The following TMEM120B variants were observed in gnomAD, a reference collection of about 807,000 sequenced individuals.
TMEM120B encodes the protein transmembrane protein 120B.
TMEM120B carries 31 observed loss-of-function variants against 55.5 expected under a neutral mutation model. That is an observed-to-expected ratio of 0.56 (90% confidence interval 0.42 to 0.75). The LOEUF is 0.75. TMEM120B is among the 30% of genes least tolerant of loss of function. The pLI is 0.00. For synonymous variants in TMEM120B, 203 were observed against 176.3 expected (o/e 1.15, Z -1.20); for missense variants, 399 against 425.5 (o/e 0.94, Z 0.55).
intron 1 of TMEM120B, among the ~76,000 whole-genome samples, chr12:121,713,766 G>A (rs1894644701): frequency 6.6e-6 from 1 of 152,126 alleles, no homozygotes; most frequent in Admixed American, 6.5e-5. Flanking sequence ...GACTAGAGAC[G>A]CCTCAGGAAA....
In TMEM120B at chr12:121,780,689, T is replaced by C. The variant is rs1874418052; in HGVS notation, c.*4967T>C. On this transcript the variant is annotated 3_prime_UTR_variant, in exon 12 of 12. Coordinates refer to ENST00000449592, the MANE Select transcript of TMEM120B (RefSeq NM_001080825.2). Reference sequence around the variant, plus strand: ...GCGCCTGCCTCCGAGTCCTAAGGATTGGGAGTAGTCGTGTAAAGTGCTCAG... The same window carrying C: ...GCGCCTGCCTCCGAGTCCTAAGGATCGGGAGTAGTCGTGTAAAGTGCTCAG... The C allele has an allele frequency of 1.5e-6, 1 of 668,144 alleles. No individual in the cohort carries two copies. Among genetic ancestry groups the C allele is most frequent in the Admixed American group, 3.2e-5 (1 of 31,598 alleles). The allele number at this position is 668,144 out of a possible 1,614,324, so 41.4% of individuals were successfully genotyped here. A position where few individuals can be genotyped will look rare whatever the true frequency, so the allele number is the denominator to read the frequency against.
chr12:121,725,539 T>C (rs1237715263), intron 1 of TMEM120B, among the ~76,000 whole-genome samples: 1 of 152,112 alleles, frequency 6.6e-6, no homozygotes. Flanking sequence ...CGGATCTTCA[T>C]AGCAGCATTA....
chr12:121,717,059 G>T (rs373556999), intron 1 of TMEM120B, among the ~76,000 whole-genome samples: 4 of 152,186 alleles, frequency 2.6e-5, no homozygotes, highest in East Asian at 3.9e-4. Context: ...GGGCACAGTT[G>T]AGTCTCCATG....
In TMEM120B at chr12:121,744,776, C is replaced by T. The variant is rs529351708; in HGVS notation, c.188+1029C>T. On this transcript the variant is annotated intron_variant, in intron 2 of 11. Coordinates refer to ENST00000449592, the MANE Select transcript of TMEM120B (RefSeq NM_001080825.2). ...CATTTTAGAATCTGGGACTCCTGGT[C>T]AACTCTTTCCTTGTGGACAATTTTG... Among the ~76,000 whole-genome samples the T allele has an allele frequency of 3.3e-5, 5 of 152,272 alleles. No homozygotes were observed. The South Asian group carries it at 1.0e-3, about 32-fold the overall frequency.
rs1435319537 is a variant in TMEM120B, at chr12:121,775,217, C to T, written c.906+87C>T. The T allele has an allele frequency of 6.4e-5, 62 of 967,992 alleles. 1 individual carries two copies. The highest frequency in any genetic ancestry group is 9.2e-5 in the African/African-American group (4 of 43,292). 60.0% of individuals were successfully genotyped at this position (967,992 alleles called of 1,614,324 possible). On this transcript the variant is annotated intron_variant, in intron 11 of 11. Transcript: ENST00000449592. The surrounding 1 kb of genome is among the most constrained non-coding windows in gnomAD (Gnocchi z 4.3). ...GGTGTATGTGTGGCATGCTGGGGTGCGGATTCCTGGGGAGGGCTGGGATGG... is the reference window on the plus strand; with the variant it reads ...GGTGTATGTGTGGCATGCTGGGGTGTGGATTCCTGGGGAGGGCTGGGATGG...
chr12:121,744,861 A>G (rs1873035508), intron 2 of TMEM120B, among the ~76,000 whole-genome samples: 1 of 152,206 alleles, frequency 6.6e-6, no homozygotes, highest in Non-Finnish European at 1.5e-5. Flanking sequence ...GGAGGCCCGC[A>G]ACTAAGGGGT....
rs1433867733 is a variant in TMEM120B at position 121,778,558 on chromosome 12, AGTTCTGAGAAACT to A, written c.*2839_*2851del. On this transcript the variant is annotated 3_prime_UTR_variant, in exon 12 of 12. Transcript: ENST00000449592. ...TGGTGACACAGGTGGTCTATGAACCAGTTCTGAGAAACTGTCCCGCGTGGACAGGGGGTAGATC... is the reference window on the plus strand; with the variant it reads ...TGGTGACACAGGTGGTCTATGAACCAGTCCCGCGTGGACAGGGGGTAGATC... 6.6e-6 allele frequency: 1 copy of A among 152,048 alleles called. No homozygotes were observed. Among genetic ancestry groups the A allele is most frequent in the Non-Finnish European group, 1.5e-5 (1 of 68,064 alleles). The allele number at this position is 152,048 out of a possible 1,614,324, so 9.4% of individuals were successfully genotyped here.
chr12:121,770,517 C>T (rs1452537910), intron 6 of TMEM120B, among the ~76,000 whole-genome samples: 1 of 152,096 alleles, frequency 6.6e-6, no homozygotes, highest in Non-Finnish European at 1.5e-5. Context: ...GGAGAGCCCA[C>T]ATTCCTGGAG....
chr12:121,723,867 A>T (rs1024618006), intron 1 of TMEM120B, among the ~76,000 whole-genome samples: 5 of 152,048 alleles, frequency 3.3e-5, no homozygotes, highest in Middle Eastern at 6.8e-3. Context: ...CGGGGGTGTG[A>T]TCATGACCAC....
chr12:121,713,070 G>A, intron 1 of TMEM120B, 106 bp downstream of exon 1: 1 of 934,802 alleles, frequency 1.1e-6, no homozygotes, highest in African/African-American at 1.8e-5. Flanking sequence ...GGCCTAGGGA[G>A]TGCCCCGGAG....
chr12:121,770,764 G>A (rs143776029), intron 6 of TMEM120B, 143 bp from the exon 7 acceptor site: 457 of 737,244 alleles, frequency 6.2e-4, no homozygotes, highest in Middle Eastern at 4.8e-3. Flanking sequence ...GGAGGGCACG[G>A]TCAGGGTTCC....
At chr12:121,738,132 G>A (rs1363521175) in intron 1 of TMEM120B, among the ~76,000 whole-genome samples, 1 of 151,830 alleles carries the variant, frequency 6.6e-6, no homozygotes, top group East Asian at 1.9e-4. Context: ...GGTGGCGCAT[G>A]CCTGTAATCC....
At chr12:121,771,714 G>A (rs1874059497) in intron 8 of TMEM120B, among the ~76,000 whole-genome samples, 165 bp downstream of exon 8, 1 of 152,064 alleles carries the variant, frequency 6.6e-6, no homozygotes, top group African/African-American at 2.4e-5. Flanking sequence ...CCCGCCCCAG[G>A]TCAGCTCCAC....
intron 6 of TMEM120B, among the ~76,000 whole-genome samples, chr12:121,764,603 C>T (rs965782902): frequency 6.6e-6 from 1 of 151,526 alleles, no homozygotes; most frequent in Non-Finnish European, 1.5e-5. Flanking sequence ...TGTATGAGCC[C>T]AGGAGGTTGA....
At chr12:121,753,708 A>T (rs1403098898) in intron 5 of TMEM120B, among the ~76,000 whole-genome samples, 2 of 126,030 alleles carry the variant, frequency 1.6e-5, no homozygotes, top group African/African-American at 7.7e-5. Context: ...ATTATATTTA[A>T]AAAAAAAAAG....
chr12:121,775,157 G>C lies in TMEM120B; in HGVS notation c.906+27G>C. On this transcript the variant is annotated intron_variant, in intron 11 of 11. Coordinates refer to ENST00000449592, the MANE Select transcript of TMEM120B (RefSeq NM_001080825.2). The surrounding 1 kb of genome is among the most constrained non-coding windows in gnomAD (Gnocchi z 4.3). ...TATGGGGGGTGGGGGCATGCTCGGG[G>C]GAGGTTCCCGGGAGGGCTGGGGTGG... 6.6e-7 allele frequency: 1 copy of C among 1,512,260 alleles called. No homozygotes were observed. The highest frequency in any genetic ancestry group is 9.1e-7 in the Non-Finnish European group (1 of 1,094,088). 93.7% of individuals were successfully genotyped at this position (1,512,260 alleles called of 1,614,324 possible).
chr12:121,770,187 A>G (rs1873992083), intron 6 of TMEM120B, among the ~76,000 whole-genome samples: 1 of 152,112 alleles, frequency 6.6e-6, no homozygotes, highest in Admixed American at 6.5e-5. Context: ...GAATGGAGGT[A>G]CTGGCGGGGC....
intron 1 of TMEM120B, among the ~76,000 whole-genome samples, chr12:121,721,804 C>CCTTTTTTT (rs766390956): frequency 4.4e-5 from 4 of 91,852 alleles, no homozygotes; most frequent in East Asian, 3.4e-4. Context: ...ATCAGTTCTA[C>CCTTTTTTT]TTTTTTTTTT....
intron 1 of TMEM120B, among the ~76,000 whole-genome samples, chr12:121,727,787 T>G (rs1282604153): frequency 2.1e-5 from 3 of 141,676 alleles, no homozygotes; most frequent in Non-Finnish European, 4.5e-5. Flanking sequence ...GGCAGGAGAA[T>G]GGCGTGAACC....
Sources: allele counts gnomAD v4.1 joint callset (sites outside exome capture counted in the v4.1 genomes callset), GRCh38; gene constraint gnomAD v4.1.1; non-coding constraint Gnocchi (gnomAD v3.1); transcripts MANE v1.5; gene names NCBI Gene and HGNC (gene_info 2026-07-23, HGNC 2026-07-21).